Variants in LPIN2 observed in about 807,000 individuals in gnomAD.
The protein encoded by LPIN2 is lipin 2, also known as phosphatidate phosphatase LPIN2.
In LPIN2, 55 loss-of-function variants were observed where a neutral mutation model predicts 111.4. The observed-to-expected ratio is 0.49, with a 90% CI of 0.40 to 0.62. The LOEUF is 0.62. Ranked by LOEUF, LPIN2 falls within the 20% of genes least tolerant of loss-of-function variation. The pLI is 0.00. For synonymous variants in LPIN2, 425 were observed against 414.0 expected, an observed-to-expected ratio of 1.03 and a Z score of -0.32; for missense variants, 992 against 1,112.1, an observed-to-expected ratio of 0.89 and a Z score of 1.54.
At chr18:2,987,117 C>T (rs928232753) in intron 1 of LPIN2, among the ~76,000 whole-genome samples, 1 of 152,146 alleles carries the variant, frequency 6.6e-6, no homozygotes, top group African/African-American at 2.4e-5. Flanking sequence ...GGTTATATCA[C>T]CCCCATTTCA....
At chr18:2,980,546 T>C (rs1466239738) in intron 1 of LPIN2, among the ~76,000 whole-genome samples, 1 of 152,206 alleles carries the variant, frequency 6.6e-6, no homozygotes, top group Non-Finnish European at 1.5e-5. Context: ...ACAGGGTGAC[T>C]TGCCACCTCT....
intron 2 of LPIN2, among the ~76,000 whole-genome samples, chr18:2,957,610 G>C (rs1196119021): frequency 6.6e-6 from 1 of 152,100 alleles, no homozygotes; most frequent in Admixed American, 6.5e-5. Context: ...CTTTGACAGG[G>C]AGACTAAATA....
Position 2,925,447 on chromosome 18 carries a change from A to T in LPIN2, c.1794-79T>A. The stretch of plus-strand genomic sequence containing the variant: ...GAGCTTTTCATTTAGGATCAAGAAA[A>T]TAAAGATATCCTAAATCTTTTCTAG... On this transcript the variant is annotated intron_variant, in intron 13 of 19. Transcript: ENST00000677752. The surrounding 1 kb of genome is among the most constrained non-coding windows in gnomAD (Gnocchi z 4.1). 1 of 1,578,208 alleles carries T rather than the reference A, an allele frequency of 6.3e-7. No homozygotes were observed. The highest frequency in any genetic ancestry group is 8.7e-7 in the Non-Finnish European group (1 of 1,150,020).
Position 2,921,999 on chromosome 18 carries a change from G to A in LPIN2, c.2327+48C>T, listed in dbSNP as rs188531483. 2.3e-5 allele frequency: 36 copies of A among 1,588,986 alleles called. No homozygotes were observed. The highest frequency in any genetic ancestry group is 1.2e-4 in the Admixed American group (7 of 56,674). Reference sequence around the variant, plus strand: ...ATCCCCCCACCTTGGGCCCAGCCCCGCCCACATGCTGGGGCGGTGGGCAGA... The same window carrying A: ...ATCCCCCCACCTTGGGCCCAGCCCCACCCACATGCTGGGGCGGTGGGCAGA... On this transcript the variant is annotated intron_variant, in intron 17 of 19. Transcript: ENST00000677752.
At chr18:2,941,340 G>A (rs1243949565) in intron 4 of LPIN2, among the ~76,000 whole-genome samples, 1 of 152,210 alleles carries the variant, frequency 6.6e-6, no homozygotes, top group African/African-American at 2.4e-5. Flanking sequence ...ATGTGGAGAT[G>A]TGAAGATGAT....
intron 4 of LPIN2, among the ~76,000 whole-genome samples, chr18:2,943,541 C>A (rs2077398710): frequency 6.6e-6 from 1 of 152,008 alleles, no homozygotes; most frequent in African/African-American, 2.4e-5. Flanking sequence ...TTACATTTAA[C>A]AGATTAAGAT....
chr18:3,012,478 A>G (rs2078620899), intron 1 of LPIN2, among the ~76,000 whole-genome samples: 1 of 135,396 alleles, frequency 7.4e-6, no homozygotes, highest in African/African-American at 3.0e-5. Context: ...TCACAAATTA[A>G]GATCTGCACC....
At chr18:2,950,988 G>A in intron 4 of LPIN2, 67 bp downstream of exon 4, 1 of 1,564,794 alleles carries the variant, frequency 6.4e-7, no homozygotes. Context: ...TAAAAAAACT[G>A]GCAGCTCCTG....
At position 2,960,687 on chromosome 18, in the gene LPIN2, A is replaced by C. The variant is rs149316726; in HGVS notation, c.154T>G (p.Phe52Val). 9 of 1,613,880 alleles carry C rather than the reference A, an allele frequency of 5.6e-6. No homozygotes were observed. Among genetic ancestry groups the C allele is most frequent in the Non-Finnish European group, 7.6e-6 (9 of 1,180,018 alleles). Residue 52 changes from phenylalanine to valine, a missense_variant, in exon 2 of 20, where the codon TTT becomes GTT. Around this residue, in one of 4 missense-constraint regions of LPIN2, gnomAD observed 67 missense variants for 112.1 expected, o/e 0.60. Coordinates refer to ENST00000677752, the MANE Select transcript of LPIN2 (RefSeq NM_001375808.2). ...SYQCSPFHVR[F>V]GKLGVLRSKE... Reference sequence around the variant, plus strand: ...GATCTCAGGACTCCCAGCTTTCCAAACCGAACGTGAAAAGGTGAACACTGA... The same window carrying C: ...GATCTCAGGACTCCCAGCTTTCCAACCCGAACGTGAAAAGGTGAACACTGA...
intron 1 of LPIN2, among the ~76,000 whole-genome samples, chr18:2,978,798 T>C (rs1220975488): frequency 2.0e-5 from 3 of 152,228 alleles, no homozygotes; most frequent in Non-Finnish European, 4.4e-5. Flanking sequence ...GATGTGGGCA[T>C]CATCGTCCTT....
chr18:2,934,489 T>C, intron 7 of LPIN2, 39 bp from the exon 8 acceptor site: 1 of 1,345,348 alleles, frequency 7.4e-7, no homozygotes, highest in Non-Finnish European at 1.1e-6. Flanking sequence ...ATTTAGTTAT[T>C]CTTCATTTAC....
chr18:3,010,192 AGT>A (rs1282569792), intron 1 of LPIN2, among the ~76,000 whole-genome samples: 1 of 152,196 alleles, frequency 6.6e-6, no homozygotes, highest in Non-Finnish European at 1.5e-5. Context: ...TGTTAGTAAT[AGT>A]GTGTTACTAA....
chr18:2,925,666 G>A lies in LPIN2; in HGVS notation c.1794-298C>T, dbSNP rs1479190310. 6.6e-6 allele frequency among the ~76,000 whole-genome samples: 1 copy of A among 152,194 alleles called. No individual in the cohort carries two copies. The highest frequency in any genetic ancestry group is 6.5e-5 in the Admixed American group (1 of 15,290). On this transcript the variant is annotated intron_variant, in intron 13 of 19. Coordinates refer to ENST00000677752, the MANE Select transcript of LPIN2 (RefSeq NM_001375808.2). This position sits in a 1 kb window ranked among gnomAD's most constrained non-coding sequence, Gnocchi z 4.1. ...GACTCTTGTTGAAGAGGGTATGTAT[G>A]TTTCACAAGGCACAAATCAAAGAAA...
chr18:2,970,684 T>G (rs1413542513), intron 1 of LPIN2, among the ~76,000 whole-genome samples: 1 of 152,202 alleles, frequency 6.6e-6, no homozygotes, highest in African/African-American at 2.4e-5. Flanking sequence ...AGCAAGAACA[T>G]GCTTCAAACA....
At chr18:2,964,143 C>T (rs933270872) in intron 1 of LPIN2, among the ~76,000 whole-genome samples, 13 of 151,218 alleles carry the variant, frequency 8.6e-5, no homozygotes, top group Non-Finnish European at 1.6e-4. Context: ...ATTAGCCGGG[C>T]GTGATGGCGT....
intron 7 of LPIN2, 112 bp from the exon 8 acceptor site, chr18:2,934,562 T>C (rs2077259135): frequency 1.4e-6 from 1 of 734,254 alleles, no homozygotes; most frequent in Admixed American, 2.0e-5. Context: ...TTGAATAGGG[T>C]TTTAATTTTA....
At chr18:2,923,146 C>T (rs572572682) in intron 16 of LPIN2, among the ~76,000 whole-genome samples, 2 of 152,096 alleles carry the variant, frequency 1.3e-5, no homozygotes, top group Admixed American at 6.5e-5. Context: ...TAAGGCTGGG[C>T]GCAATAGCTC....
chr18:3,000,973 G>T (rs73939705), intron 1 of LPIN2, among the ~76,000 whole-genome samples: 3,686 of 138,836 alleles, frequency 0.027, 128 homozygotes, highest in African/African-American at 0.09. Flanking sequence ...GGGAAAAAGA[G>T]GGGGGAGAGG....
rs2076987324 is a variant in LPIN2, at chr18:2,917,467, G to A, written c.*2826C>T. The A allele has an allele frequency of 6.6e-6, 1 of 152,226 alleles. No homozygotes were observed. The highest frequency in any genetic ancestry group is 6.5e-5 in the Admixed American group (1 of 15,284). 9.4% of individuals were successfully genotyped at this position (152,226 alleles called of 1,614,324 possible). A position where few individuals can be genotyped will look rare whatever the true frequency, so the allele number is the denominator to read the frequency against. On this transcript the variant is annotated 3_prime_UTR_variant, in exon 20 of 20. Transcript: ENST00000677752. ...GCACCTGCAGTGCCAACTGTGGAAG[G>A]GCTGTGTGCAGGCCCCACAGTTGCA...
Sources: gnomAD v4.1 joint callset for allele counts (sites outside exome capture counted in the v4.1 genomes callset) on GRCh38, gnomAD v4.1.1 for gene constraint, gnomAD v4.1.1 regional missense constraint, Gnocchi (gnomAD v3.1) non-coding constraint, MANE v1.5 for transcripts, NCBI Gene and HGNC (gene_info 2026-07-23, HGNC 2026-07-21) for gene names.